The following ARHGAP42 variants were observed in gnomAD, a reference collection of about 807,000 sequenced individuals.
ARHGAP42 encodes the protein rho GTPase-activating protein 42.
Under a neutral mutation model 125.0 loss-of-function variants are expected in ARHGAP42, and 63 were observed. That is an observed-to-expected ratio of 0.50 (90% CI 0.41 to 0.62). The LOEUF is 0.62. ARHGAP42 is among the 20% of genes least tolerant of loss of function. The pLI is 0.00. For missense variants in ARHGAP42, 766 were observed against 1,024.2 expected, an observed-to-expected ratio of 0.75 and a Z score of 3.44; for synonymous variants, 339 against 351.0, an observed-to-expected ratio of 0.97 and a Z score of 0.38.
At chr11:100,863,087 CAA>C in intron 4 of ARHGAP42, among the ~76,000 whole-genome samples, 1 of 142,384 alleles carries the variant, frequency 7.0e-6, no homozygotes, top group East Asian at 2.0e-4. Flanking sequence ...CACACAACAA[CAA>C]AAAAAAGGCA....
At chr11:100,903,133 A>ACACACGCGCACACACACACACACT (rs1565267749) in intron 4 of ARHGAP42, among the ~76,000 whole-genome samples, 2,015 of 151,372 alleles carry the variant, frequency 0.013, 55 homozygotes, top group African/African-American at 0.046. Flanking sequence ...ACACACACAC[A>ACACACGCGCACACACACACACACT]CACACACACA....
chr11:100,859,581 G>T lies in ARHGAP42; in HGVS notation c.340G>T (p.Ala114Ser), dbSNP rs773574454. Residue 114 changes from alanine (A) to serine (S), a missense_variant, in exon 4 of 24, where the codon GCA (alanine) becomes TCA (serine). Ala to Ser is a moderately conservative substitution (Grantham distance 99). This residue lies in a region of ARHGAP42 where 455 missense variants were observed against 636.5 expected (regional missense o/e 0.71). Coordinates refer to ENST00000298815, the MANE Select transcript of ARHGAP42 (RefSeq NM_152432.4). ...LIQNANDVLI[A>S]PLEKFRKEQI... Reference sequence around the variant, plus strand: ...CCAAAACGCTAACGATGTATTAATTGCACCACTTGAGAAATTTCGAAAAGA... The same window carrying T: ...CCAAAACGCTAACGATGTATTAATTTCACCACTTGAGAAATTTCGAAAAGA... The T allele has an allele frequency of 3.6e-5, 55 of 1,520,786 alleles. No individual in the cohort carries two copies. The highest frequency in any genetic ancestry group is 4.2e-5 in the Non-Finnish European group (48 of 1,135,320). The allele number at this position is 1,520,786 out of a possible 1,614,324, so 94.2% of individuals were successfully genotyped here.
chr11:100,890,542 A>G (rs1866192704), intron 4 of ARHGAP42, among the ~76,000 whole-genome samples: 1 of 152,224 alleles, frequency 6.6e-6, no homozygotes, highest in African/African-American at 2.4e-5. Context: ...CAAAGATAGT[A>G]AGTGGTGAAA....
intron 22 of ARHGAP42, among the ~76,000 whole-genome samples, chr11:100,984,143 A>G (rs969584318): frequency 1.3e-5 from 2 of 151,926 alleles, no homozygotes; most frequent in African/African-American, 4.8e-5. Flanking sequence ...AAGAAAGAAA[A>G]AAAAATCTCC....
intron 3 of ARHGAP42, among the ~76,000 whole-genome samples, chr11:100,849,228 A>G (rs1865145500): frequency 8.0e-6 from 1 of 124,320 alleles, no homozygotes; most frequent in Non-Finnish European, 1.6e-5. Context: ...CATATCACTC[A>G]TTCTTCACAT....
chr11:100,968,132 C>T (rs1283649134), intron 17 of ARHGAP42, among the ~76,000 whole-genome samples: 15 of 152,152 alleles, frequency 9.9e-5, no homozygotes, highest in Non-Finnish European at 1.5e-5. Flanking sequence ...CATTTGGTTA[C>T]TGTTTGCATG....
intron 17 of ARHGAP42, among the ~76,000 whole-genome samples, chr11:100,967,868 C>CA (rs1857758121): frequency 6.6e-6 from 1 of 151,998 alleles, no homozygotes; most frequent in African/African-American, 2.4e-5. Flanking sequence ...CATGTGACAC[C>CA]ACGCCCAGCT....
intron 4 of ARHGAP42, among the ~76,000 whole-genome samples, chr11:100,880,951 TC>T (rs1273589746): frequency 2.1e-4 from 32 of 152,308 alleles, no homozygotes; most frequent in African/African-American, 7.7e-4. Context: ...ATTTTTTTTT[TC>T]TTGCTAATTT....
At chr11:100,782,571 G>T (rs189352722) in intron 2 of ARHGAP42, among the ~76,000 whole-genome samples, 33 of 152,226 alleles carry the variant, frequency 2.2e-4, no homozygotes, top group Admixed American at 9.2e-4. Flanking sequence ...AGAGTATATA[G>T]AGAGAGAAAT....
chr11:100,691,048 A>G (rs1282228847), intron 1 of ARHGAP42, among the ~76,000 whole-genome samples: 2 of 152,214 alleles, frequency 1.3e-5, no homozygotes, highest in Non-Finnish European at 2.9e-5. Context: ...TCTTAGTCCT[A>G]ACTTTCATGT....
At chr11:100,776,571 A>G (rs933541948) in intron 2 of ARHGAP42, among the ~76,000 whole-genome samples, 1 of 152,200 alleles carries the variant, frequency 6.6e-6, no homozygotes. Flanking sequence ...GGATCAAACT[A>G]TATTTTTTAA....
intron 1 of ARHGAP42, 66 bp downstream of exon 1, chr11:100,687,898 A>G (rs1861112772): frequency 6.8e-7 from 1 of 1,472,902 alleles, no homozygotes; most frequent in Admixed American, 2.2e-5. Context: ...GCGGGTCCGA[A>G]GGGTGGGTTG....
chr11:100,692,482 T>G (rs1365099248), intron 1 of ARHGAP42, among the ~76,000 whole-genome samples: 1 of 152,198 alleles, frequency 6.6e-6, no homozygotes, highest in Non-Finnish European at 1.5e-5. Context: ...AGTGTGTTGT[T>G]GATGATTCAT....
intron 3 of ARHGAP42, among the ~76,000 whole-genome samples, chr11:100,855,266 C>T (rs1865297956): frequency 6.6e-6 from 1 of 151,988 alleles, no homozygotes; most frequent in South Asian, 2.1e-4. Flanking sequence ...ATTTTTCTGA[C>T]ATTCGGATGT....
intron 5 of ARHGAP42, among the ~76,000 whole-genome samples, chr11:100,917,556 A>G (rs531554244): frequency 6.6e-6 from 1 of 152,074 alleles, no homozygotes; most frequent in East Asian, 1.9e-4. Context: ...TGCTAGTATT[A>G]TGATTATGAT....
intron 4 of ARHGAP42, among the ~76,000 whole-genome samples, chr11:100,891,557 C>T (rs1460486543): frequency 6.6e-6 from 1 of 151,672 alleles, no homozygotes; most frequent in Non-Finnish European, 1.5e-5. Context: ...ATTCTCCTGC[C>T]TCAGCCTCCT....
At chr11:100,827,501 G>A (rs11224476) in intron 3 of ARHGAP42, among the ~76,000 whole-genome samples, 4,517 of 152,256 alleles carry the variant, frequency 0.03, 120 homozygotes, top group East Asian at 0.17. Flanking sequence ...AAGGTGCATG[G>A]ATCCCAAGGG....
intron 4 of ARHGAP42, among the ~76,000 whole-genome samples, chr11:100,875,152 TGG>T (rs1491221352): frequency 0.01 from 1,390 of 137,980 alleles, 21 homozygotes; most frequent in African/African-American, 0.035. Flanking sequence ...TGTGTGTGTG[TGG>T]CTCATGAACT....
chr11:100,859,951 A>C (rs980180570), intron 4 of ARHGAP42: 8 of 188,002 alleles, frequency 4.3e-5, no homozygotes, highest in Non-Finnish European at 7.6e-5. Context: ...GGCACATTGA[A>C]AATTCAAGCA....
Sources: gnomAD v4.1 joint callset for allele counts (sites outside exome capture counted in the v4.1 genomes callset) on GRCh38, gnomAD v4.1.1 for gene constraint, gnomAD v4.1.1 regional missense constraint, MANE v1.5 for transcripts, NCBI Gene and HGNC (gene_info 2026-07-23, HGNC 2026-07-21) for gene names.